ASB8: variants seen among roughly 807,000 people sequenced by gnomAD.
The protein encoded by ASB8 is ankyrin repeat and SOCS box protein 8.
In ASB8, 15 loss-of-function variants were observed where a neutral mutation model predicts 22.9. The ratio of observed to expected loss-of-function variants is 0.66; its 90% CI spans 0.44 to 1.01. The LOEUF (loss-of-function observed/expected upper bound fraction) is 1.01, where lower values mean the gene tolerates loss of function less well. ASB8 is among the 50% of genes least tolerant of loss of function. The probability of loss-of-function intolerance (pLI) is 0.00; values close to 1 mark genes in which losing one functional copy is unlikely to be tolerated. For missense variants in ASB8, 294 were observed against 356.9 expected (o/e 0.82, Z 1.42); for synonymous variants, 124 against 140.8 (o/e 0.88, Z 0.84).
intron 1 of ASB8, among the ~76,000 whole-genome samples, chr12:48,155,780 A>AT (rs537950041): frequency 0.15 from 17,148 of 117,876 alleles, 1,503 homozygotes; most frequent in African/African-American, 0.21. Flanking sequence ...CTTTTGCTTT[A>AT]TTTTTTTTTT....
Position 48,149,314 on chromosome 12 carries a change from G to T in ASB8, c.*52C>A. On this transcript the variant is annotated 3_prime_UTR_variant, in exon 4 of 4. Transcript: ENST00000317697. ...GTTTTCTGTGACAAGGAGTACTGCA[G>T]GGACAACCTCACCCAGAGCTGCCTG... is the stretch of plus-strand genomic sequence containing the variant. 6.5e-7 allele frequency: 1 copy of T among 1,543,968 alleles called. No homozygotes were observed. The highest frequency in any genetic ancestry group is 1.2e-5 in the South Asian group (1 of 84,102).
intron 2 of ASB8, 120 bp downstream of exon 2, chr12:48,153,248 T>C: frequency 8.0e-7 from 1 of 1,246,588 alleles, no homozygotes; most frequent in Non-Finnish European, 1.2e-6. Context: ...TTAATGCAGT[T>C]AGCAAAATGT....
chr12:48,152,458 A>T (rs144008640), intron 2 of ASB8, among the ~76,000 whole-genome samples: 1 of 152,348 alleles, frequency 6.6e-6, no homozygotes, highest in African/African-American at 2.4e-5. Context: ...AACAAGAAAA[A>T]TAAATAGAAG....
chr12:48,153,604 C>A (rs369323738), intron 1 of ASB8, 75 bp from the exon 2 acceptor site: 12 of 1,176,272 alleles, frequency 1.0e-5, no homozygotes, highest in South Asian at 2.8e-5. Flanking sequence ...TTCTCTGAGG[C>A]CTTCCCAATG....
At chr12:48,150,589 C>T (rs1247054815) in intron 3 of ASB8, among the ~76,000 whole-genome samples, 1 of 152,188 alleles carries the variant, frequency 6.6e-6, no homozygotes, top group Non-Finnish European at 1.5e-5. Flanking sequence ...GAGCACAAAT[C>T]TCCCAGTGCT....
At chr12:48,150,020 T>TA (rs1951174044) in intron 3 of ASB8, 22 bp from the exon 4 acceptor site, 1 of 1,604,428 alleles carries the variant, frequency 6.2e-7, no homozygotes, top group East Asian at 2.2e-5. Flanking sequence ...GAGGAACTAT[T>TA]ACAGTAGACA....
Position 48,149,547 on chromosome 12 carries a change from T to G in ASB8, c.686A>C (p.Glu229Ala). The G allele has an allele frequency of 6.2e-7, 1 of 1,614,120 alleles. No homozygotes were observed. Among genetic ancestry groups the G allele is most frequent in the Non-Finnish European group, 8.5e-7 (1 of 1,179,996 alleles). The change falls in exon 4 of 4, where the codon GAG (glutamate) becomes GCG (alanine). Residue 229 changes from glutamate (E) to alanine (A), a missense_variant. Transcript: ENST00000317697. ...ELRKNGTMPR[E>A]VARDPQLCEK... is the part of the protein sequence containing the mutation. ...ACATAGCTGCGGGTCTCTGGCCACC[T>G]CTCGTGGCATGGTGCCATTTTTCCT...
At chr12:48,155,685 G>A (rs1401479694) in intron 1 of ASB8, among the ~76,000 whole-genome samples, 1 of 146,486 alleles carries the variant, frequency 6.8e-6, no homozygotes, top group Non-Finnish European at 1.5e-5. Flanking sequence ...AGCTGAGATC[G>A]CGCCACTGCA....
At chr12:48,152,096 G>A (rs187085613) in intron 2 of ASB8, among the ~76,000 whole-genome samples, 1 of 150,808 alleles carries the variant, frequency 6.6e-6, no homozygotes, top group African/African-American at 2.4e-5. Flanking sequence ...AGGTTGCAGT[G>A]AGCCAAGATC....
chr12:48,154,760 A>C (rs1415780378), intron 1 of ASB8, among the ~76,000 whole-genome samples: 1 of 152,052 alleles, frequency 6.6e-6, no homozygotes, highest in Non-Finnish European at 1.5e-5. Flanking sequence ...CAACATGGTG[A>C]AAGCCCATCT....
chr12:48,150,737 T>C (rs1480107668), intron 3 of ASB8, among the ~76,000 whole-genome samples: 1 of 152,226 alleles, frequency 6.6e-6, no homozygotes, highest in Non-Finnish European at 1.5e-5. Flanking sequence ...CAACCTTTTA[T>C]TTGGCTAAAA....
At chr12:48,151,502 A>T in intron 2 of ASB8, 197 bp from the exon 3 acceptor site, 9 of 1,242,482 alleles carry the variant, frequency 7.2e-6, no homozygotes, top group Non-Finnish European at 7.8e-6. Flanking sequence ...GAAGGAAAGG[A>T]ACTGTTAATT....
chr12:48,155,337 G>A (rs1951282569), intron 1 of ASB8, among the ~76,000 whole-genome samples: 1 of 152,154 alleles, frequency 6.6e-6, no homozygotes, highest in South Asian at 2.1e-4. Context: ...TTGAACCAAT[G>A]TAAAGTTTAT....
Position 48,152,391 on chromosome 12 carries a change from C to T in ASB8, c.129+977G>A, listed in dbSNP as rs535614635. 1.4e-4 allele frequency among the ~76,000 whole-genome samples: 21 copies of T among 152,274 alleles called. No homozygotes were observed. In the South Asian group the frequency reaches 2.7e-3, roughly 20 times the overall value. ...GACGAGCCTGAAGTCTTAGAATATA[C>T]ACAAGTAACCATCTGGATGCATTTT... On this transcript the variant is annotated intron_variant, in intron 2 of 3. Transcript: ENST00000317697.
intron 1 of ASB8, chr12:48,153,812 G>T: frequency 4.9e-6 from 1 of 202,060 alleles, no homozygotes; most frequent in Non-Finnish European, 1.0e-5. Context: ...CAAGGAATAG[G>T]ATTTTTAAAA....
Position 48,151,451 on chromosome 12 carries a change from ATAT to A in ASB8, c.130-149_130-147del, listed in dbSNP as rs1207432621. On this transcript the variant is annotated intron_variant, in intron 2 of 3. Coordinates refer to ENST00000317697, the MANE Select transcript of ASB8 (RefSeq NM_024095.5). ...CTAGTTCCTGTTTCCTTTTCTATTA[ATAT>A]TATGTCAATGTCCAAACCAAAGGAG... 5.2e-6 allele frequency: 5 copies of A among 969,120 alleles called. No homozygotes were observed. The African/African-American group carries it at 6.6e-5, about 13-fold the overall frequency. The allele number at this position is 969,120 out of a possible 1,614,324, so 60.0% of individuals were successfully genotyped here.
Position 48,151,527 on chromosome 12 carries a change from A to G in ASB8, c.130-222T>C. ...AACTGTTAATTCCTTAGATCAAGTT[A>G]CTAAGTTTCTCCACAAGGGAGGCTG... On this transcript the variant is annotated intron_variant, in intron 2 of 3. Transcript: ENST00000317697. 2.9e-6 allele frequency: 4 copies of G among 1,381,454 alleles called. No individual in the cohort carries two copies. In the South Asian group the frequency reaches 3.8e-5, roughly 13 times the overall value. 85.6% of individuals were successfully genotyped at this position (1,381,454 alleles called of 1,614,324 possible). A position where few individuals can be genotyped will look rare whatever the true frequency, so the allele number is the denominator to read the frequency against.
At chr12:48,151,002 G>C in intron 3 of ASB8, 199 bp downstream of exon 3, 1 of 611,948 alleles carries the variant, frequency 1.6e-6, no homozygotes, top group South Asian at 2.0e-5. Flanking sequence ...GGGACAGAAA[G>C]GTAAAAGAAT....
chr12:48,152,435 G>GT (rs1425244971), intron 2 of ASB8, among the ~76,000 whole-genome samples: 3 of 152,136 alleles, frequency 2.0e-5, no homozygotes, highest in Non-Finnish European at 4.4e-5. Context: ...CAAAAACTGT[G>GT]TAACTTCTCT....
Sources: gnomAD v4.1 joint callset for allele counts (sites outside exome capture counted in the v4.1 genomes callset) on GRCh38, gnomAD v4.1.1 for gene constraint, MANE v1.5 for transcripts, NCBI Gene and HGNC (gene_info 2026-07-23, HGNC 2026-07-21) for gene names.